TPRG1: variants seen among roughly 807,000 people sequenced by gnomAD.
TPRG1 encodes tumor protein p63 regulated 1.
Under a neutral mutation model 29.3 loss-of-function variants are expected in TPRG1, and 29 were observed. That is an observed-to-expected ratio of 0.99 (90% CI 0.74 to 1.35). The LOEUF (loss-of-function observed/expected upper bound fraction) is 1.35, where lower values mean the gene tolerates loss of function less well. TPRG1 is among the 40% of genes most tolerant of loss of function. The probability of loss-of-function intolerance (pLI) is 0.00; values close to 1 mark genes in which losing one functional copy is unlikely to be tolerated. For missense variants in TPRG1, 327 were observed against 335.0 expected, an observed-to-expected ratio of 0.98 and a Z score of 0.19; for synonymous variants, 130 against 116.8, an observed-to-expected ratio of 1.11 and a Z score of -0.73.
chr3:189,077,408 T>C (rs1380529280), intron 4 of TPRG1, among the ~76,000 whole-genome samples: 3 of 151,786 alleles, frequency 2.0e-5, no homozygotes, highest in Admixed American at 6.6e-5. Context: ...AGGCAACTAA[T>C]AGTTAGTTAG....
chr3:189,239,008 C>A, intron 4 of TPRG1, 99 bp downstream of exon 4: 2 of 1,013,658 alleles, frequency 2.0e-6, no homozygotes, highest in Non-Finnish European at 2.8e-6. Flanking sequence ...ACTGGGAGAA[C>A]CCAAGGGAGG....
chr3:189,261,414 T>TA (rs112785951), intron 4 of TPRG1, among the ~76,000 whole-genome samples: 533 of 140,624 alleles, frequency 3.8e-3, no homozygotes, highest in African/African-American at 0.01. Flanking sequence ...GGTCTTTGCT[T>TA]AAAAAAAAAA....
intron 3 of TPRG1, among the ~76,000 whole-genome samples, chr3:189,229,294 C>CA (rs35836287): frequency 0.015 from 2,277 of 147,068 alleles, 53 homozygotes; most frequent in African/African-American, 0.05. Flanking sequence ...GTGGAAAGAC[C>CA]AAAAAAAAAA....
At chr3:189,254,722 G>C (rs111543489) in intron 4 of TPRG1, among the ~76,000 whole-genome samples, 1,735 of 152,198 alleles carry the variant, frequency 0.011, 43 homozygotes, top group African/African-American at 0.04. Context: ...AGTTCTGCTT[G>C]AAGAAGTCCT....
chr3:189,015,417 A>T (rs1712876551), intron 3 of TPRG1, among the ~76,000 whole-genome samples: 1 of 152,254 alleles, frequency 6.6e-6, no homozygotes, highest in African/African-American at 2.4e-5. Context: ...TTTGCAGCCC[A>T]ACTATATGGT....
chr3:189,243,545 C>CT (rs34552708), intron 4 of TPRG1, among the ~76,000 whole-genome samples: 3,959 of 149,930 alleles, frequency 0.026, 174 homozygotes, highest in African/African-American at 0.091. Flanking sequence ...TGAAAATTGG[C>CT]TTTTTTTTTT....
chr3:189,074,015 A>G (rs6780254), intron 4 of TPRG1, among the ~76,000 whole-genome samples: 13,730 of 152,038 alleles, frequency 0.09, 760 homozygotes, highest in African/African-American at 0.16. Flanking sequence ...TTTGGAAGCT[A>G]TTGGTGCTGA....
chr3:189,263,237 A>G (rs1170631025), intron 4 of TPRG1, among the ~76,000 whole-genome samples: 1 of 152,230 alleles, frequency 6.6e-6, no homozygotes, highest in East Asian at 1.9e-4. Context: ...TTGCAGGGGG[A>G]AAGATCCAGA....
intron 2 of TPRG1, among the ~76,000 whole-genome samples, chr3:189,001,708 C>T (rs531958872): frequency 6.6e-6 from 1 of 152,088 alleles, no homozygotes; most frequent in Non-Finnish European, 1.5e-5. Flanking sequence ...ACAAGATGAG[C>T]TCCATGACTC....
intron 3 of TPRG1, among the ~76,000 whole-genome samples, chr3:189,012,525 C>T (rs1282734337): frequency 6.6e-6 from 1 of 151,758 alleles, no homozygotes; most frequent in East Asian, 1.9e-4. Flanking sequence ...TTTGGTTTTG[C>T]CAGTATTTTG....
chr3:188,997,498 G>A (rs1314934019), intron 1 of TPRG1, among the ~76,000 whole-genome samples: 1 of 152,124 alleles, frequency 6.6e-6, no homozygotes, highest in Non-Finnish European at 1.5e-5. Context: ...ACAGTGTAAC[G>A]TTTTGATCTT....
At chr3:189,261,510 C>G (rs973610810) in intron 4 of TPRG1, among the ~76,000 whole-genome samples, 6 of 152,056 alleles carry the variant, frequency 3.9e-5, no homozygotes, top group African/African-American at 1.4e-4. Context: ...TATGTTCTTT[C>G]TAAGCAGTAA....
intron 1 of TPRG1, among the ~76,000 whole-genome samples, chr3:189,111,905 G>T (rs1023881433): frequency 1.3e-5 from 2 of 152,066 alleles, no homozygotes; most frequent in African/African-American, 4.8e-5. Flanking sequence ...AAAGCATTCA[G>T]TTTTTCATCA....
rs150599981 is a variant in TPRG1 at position 189,160,627 on chromosome 3, A to C, written c.-10+9755A>C. The stretch of plus-strand genomic sequence containing the variant: ...CAACCCAACTCCCCAACCCAGGGAG[A>C]CGGGGACTAGGCTTGGTGGCGGCTA... On this transcript the variant is annotated intron_variant, in intron 5 of 6. Transcript: ENST00000412373. Among the ~76,000 whole-genome samples, 896 of 152,198 alleles carry C rather than the reference A, an allele frequency of 5.9e-3. 11 individuals carry two copies. Among genetic ancestry groups the C allele is most frequent in the African/African-American group, 0.021 (875 of 41,520 alleles).
chr3:189,236,898 C>A (rs535710734), intron 3 of TPRG1, among the ~76,000 whole-genome samples: 1 of 152,286 alleles, frequency 6.6e-6, no homozygotes, highest in Admixed American at 6.5e-5. Context: ...TGAAGTGGTA[C>A]ATAATTGGGT....
In TPRG1 at chr3:189,233,166, A is replaced by G. The variant is rs916814128; in HGVS notation, c.303-5567A>G. Reference sequence around the variant, plus strand: ...AGGAAGATACCTCTACTGAGTGTGTATGTGTGTGTGTGTGTGTGTGTGTGT... The same window carrying G: ...AGGAAGATACCTCTACTGAGTGTGTGTGTGTGTGTGTGTGTGTGTGTGTGT... On this transcript the variant is annotated intron_variant, in intron 3 of 5. Coordinates refer to ENST00000345063, the MANE Select transcript of TPRG1 (RefSeq NM_198485.4). Among the ~76,000 whole-genome samples, 161 of 148,874 alleles carry G rather than the reference A, an allele frequency of 1.1e-3. 1 individual carries two copies. Among genetic ancestry groups the G allele is most frequent in the African/African-American group, 3.6e-3 (148 of 40,952 alleles).
chr3:189,294,260 CATGTCACCTCTGCAGTGAT>C (rs149797580), intron 4 of TPRG1, among the ~76,000 whole-genome samples: 9,191 of 152,122 alleles, frequency 0.06, 653 homozygotes, highest in African/African-American at 0.17. Flanking sequence ...ACTTAGATAC[CATGTCACCTCTGCAGTGAT>C]ATGGAAGATC....
chr3:189,089,886 TTTTG>T (rs887954034), intron 4 of TPRG1, among the ~76,000 whole-genome samples: 10 of 152,118 alleles, frequency 6.6e-5, no homozygotes, highest in South Asian at 2.1e-4. Flanking sequence ...ATATTTTTTA[TTTTG>T]TTTGTCTTCT....
At chr3:189,068,130 C>T (rs1716573103) in intron 4 of TPRG1, among the ~76,000 whole-genome samples, 1 of 152,086 alleles carries the variant, frequency 6.6e-6, no homozygotes, top group Non-Finnish European at 1.5e-5. Flanking sequence ...TATCATCTCA[C>T]TCCAGTTAAA....
Sources: gnomAD v4.1 joint callset for allele counts (sites outside exome capture counted in the v4.1 genomes callset) on GRCh38, gnomAD v4.1.1 for gene constraint, MANE v1.5 for transcripts, NCBI Gene and HGNC (gene_info 2026-07-23, HGNC 2026-07-21) for gene names.